The following RFX2 variants were observed in gnomAD, a reference collection of about 807,000 sequenced individuals.
RFX2 encodes the protein regulatory factor X2, also known as DNA-binding protein RFX2.
Under a neutral mutation model 87.8 loss-of-function variants are expected in RFX2, and 20 were observed. The ratio of observed to expected loss-of-function variants is 0.23; its 90% CI spans 0.16 to 0.33. The LOEUF is 0.33. Ranked by LOEUF, RFX2 falls within the 10% of genes least tolerant of loss-of-function variation. The pLI, the probability that RFX2 is intolerant of heterozygous loss-of-function variation, is 1.00. For synonymous variants in RFX2, 397 were observed against 431.3 expected (o/e 0.92, Z 0.98); for missense variants, 767 against 1,012.3 (o/e 0.76, Z 3.29).
At chr19:6,100,698 T>G (rs777528058) in intron 1 of RFX2, among the ~76,000 whole-genome samples, 1 of 152,180 alleles carries the variant, frequency 6.6e-6, no homozygotes, top group Non-Finnish European at 1.5e-5. Flanking sequence ...CCGCTGCTAC[T>G]GACTCCACCA....
intron 5 of RFX2, among the ~76,000 whole-genome samples, chr19:6,034,265 TGTTA>T (rs1276401201): frequency 6.7e-6 from 1 of 148,954 alleles, no homozygotes; most frequent in Non-Finnish European, 1.5e-5. Flanking sequence ...AGTCTCATTC[TGTTA>T]CCAGGCTGGA....
intron 13 of RFX2, among the ~76,000 whole-genome samples, chr19:6,003,880 C>G (rs570372617): frequency 6.7e-6 from 1 of 149,690 alleles, no homozygotes; most frequent in Non-Finnish European, 1.5e-5. Flanking sequence ...ATTTCAAATT[C>G]GACTGATTTG....
In RFX2 at chr19:5,994,694, G is replaced by A; in HGVS notation, c.*141C>T. 1.6e-6 allele frequency: 1 copy of A among 621,596 alleles called. No individual in the cohort carries two copies. Among genetic ancestry groups the A allele is most frequent in the South Asian group, 1.9e-5 (1 of 52,406 alleles). 38.5% of individuals were successfully genotyped at this position (621,596 alleles called of 1,614,324 possible). ...ACAACTGCTTTCCTTCTTGAACACT[G>A]ACCCCGGGAGCCCCCGCTTGAGTCA... On this transcript the variant is annotated 3_prime_UTR_variant, in exon 18 of 18. Coordinates refer to ENST00000303657, the MANE Select transcript of RFX2 (RefSeq NM_000635.4).
chr19:5,998,312 A>G lies in RFX2; in HGVS notation c.1860-1099T>C, dbSNP rs184012776. On this transcript the variant is annotated intron_variant, in intron 15 of 17. Transcript: ENST00000303657. The surrounding 1 kb of genome is among the most constrained non-coding windows in gnomAD (Gnocchi z 4.2). Reference sequence around the variant, plus strand: ...GACAGAGCAACACTCCATCTCAAAAAAAAAGAATGAAGTGGAACAATGTCT... The same window carrying G: ...GACAGAGCAACACTCCATCTCAAAAGAAAAGAATGAAGTGGAACAATGTCT... Among the ~76,000 whole-genome samples the G allele has an allele frequency of 2.3e-3, 354 of 152,298 alleles. No individual in the cohort carries two copies. Among genetic ancestry groups the G allele is most frequent in the Non-Finnish European group, 3.8e-3 (261 of 68,014 alleles).
chr19:6,002,396 T>C lies in RFX2; in HGVS notation c.1650+325A>G, dbSNP rs1433890403. Among the ~76,000 whole-genome samples, 2 of 152,240 alleles carry C rather than the reference T, an allele frequency of 1.3e-5. No individual in the cohort carries two copies. The highest frequency in any genetic ancestry group is 2.9e-5 in the Non-Finnish European group (2 of 68,032). On this transcript the variant is annotated intron_variant, in intron 14 of 17. Coordinates refer to ENST00000303657, the MANE Select transcript of RFX2 (RefSeq NM_000635.4). The surrounding 1 kb of genome is among the most constrained non-coding windows in gnomAD (Gnocchi z 6.7). The stretch of plus-strand genomic sequence containing the variant: ...CGGAAGCTGCTGTGGGCCGACACTT[T>C]GCCAAGCCCAGGGGACAGAGCCAGG...
intron 1 of RFX2, among the ~76,000 whole-genome samples, chr19:6,096,621 T>C (rs2144894838): frequency 1.3e-5 from 2 of 152,250 alleles, no homozygotes; most frequent in South Asian, 4.1e-4. Flanking sequence ...TAATTTTTTA[T>C]ATTTTTAGTA....
chr19:6,010,794 C>T lies in RFX2; in HGVS notation c.900-543G>A, dbSNP rs867154267. Reference sequence around the variant, plus strand: ...ACTTGAGAAAATAGATATATATTTTCCCCCTAACATTTCTCTCTTAGAAAA... The same window carrying T: ...ACTTGAGAAAATAGATATATATTTTTCCCCTAACATTTCTCTCTTAGAAAA... On this transcript the variant is annotated intron_variant, in intron 8 of 17. Coordinates refer to ENST00000303657, the MANE Select transcript of RFX2 (RefSeq NM_000635.4). The surrounding 1 kb of genome is among the most constrained non-coding windows in gnomAD (Gnocchi z 5.0). Among the ~76,000 whole-genome samples the T allele has an allele frequency of 6.6e-6, 1 of 152,180 alleles. No homozygotes were observed. The highest frequency in any genetic ancestry group is 1.9e-4 in the East Asian group (1 of 5,200).
At chr19:5,995,717 G>T in intron 16 of RFX2, 74 bp from the exon 17 acceptor site, 1 of 1,353,728 alleles carries the variant, frequency 7.4e-7, no homozygotes, top group Non-Finnish European at 1.0e-6. Flanking sequence ...GGGGGATGCC[G>T]GCCCAACCTT....
At chr19:6,104,394 C>T (rs2088176310) in intron 1 of RFX2, among the ~76,000 whole-genome samples, 1 of 147,384 alleles carries the variant, frequency 6.8e-6, no homozygotes, top group African/African-American at 2.6e-5. Flanking sequence ...ACGGTGAAAC[C>T]CCGTCTCTAC....
rs375437676 is a variant in RFX2 at position 5,997,247 on chromosome 19, A to G, written c.1860-34T>C. 13 of 1,589,012 alleles carry G rather than the reference A, an allele frequency of 8.2e-6. No homozygotes were observed. In the African/African-American group the frequency reaches 1.2e-4, roughly 15 times the overall value. ...AAGCGGACAGAGGCTGGGGACCCTC[A>G]GGGGAGCATGGAACCCGGGCCCCAG... On this transcript the variant is annotated intron_variant, in intron 15 of 17. Transcript: ENST00000303657. The surrounding 1 kb of genome is among the most constrained non-coding windows in gnomAD (Gnocchi z 4.2).
chr19:5,993,722 A>C lies in RFX2; in HGVS notation c.*1113T>G, dbSNP rs953681483. Reference sequence around the variant, plus strand: ...CCAACTGCAGCGGCTACGTGTTTCCATGGAGACAAACTTGGTGTCTCAAGT... The same window carrying C: ...CCAACTGCAGCGGCTACGTGTTTCCCTGGAGACAAACTTGGTGTCTCAAGT... On this transcript the variant is annotated 3_prime_UTR_variant, in exon 18 of 18. Transcript: ENST00000303657. 6.6e-6 allele frequency: 1 copy of C among 152,342 alleles called. No homozygotes were observed. The highest frequency in any genetic ancestry group is 2.1e-4 in the South Asian group (1 of 4,822). The allele number at this position is 152,342 out of a possible 1,614,324, so 9.4% of individuals were successfully genotyped here.
intron 6 of RFX2, among the ~76,000 whole-genome samples, chr19:6,025,228 A>C (rs1293626484): frequency 6.6e-6 from 1 of 152,144 alleles, no homozygotes; most frequent in Non-Finnish European, 1.5e-5. Context: ...CCCTGGAAAT[A>C]AAGACGGAGC....
rs1462726113 is a variant in RFX2 at position 6,050,031 on chromosome 19, G to A, written c.-8-2527C>T. Among the ~76,000 whole-genome samples, 5 of 152,232 alleles carry A rather than the reference G, an allele frequency of 3.3e-5. No homozygotes were observed. The highest frequency in any genetic ancestry group is 7.3e-5 in the Non-Finnish European group (5 of 68,038). On this transcript the variant is annotated intron_variant, in intron 1 of 17. Coordinates refer to ENST00000303657, the MANE Select transcript of RFX2 (RefSeq NM_000635.4). This position sits in a 1 kb window ranked among gnomAD's most constrained non-coding sequence, Gnocchi z 4.6. ...TCTGGAAGAGAGAGAGCCACAGAAG[G>A]GGTGAGCCCTCAAATCTTCCTACAA...
Position 6,054,039 on chromosome 19 carries a change from C to T in RFX2, c.-8-6535G>A, listed in dbSNP as rs1385725352. Among the ~76,000 whole-genome samples, 3 of 150,680 alleles carry T rather than the reference C, an allele frequency of 2.0e-5. No homozygotes were observed. The East Asian group carries it at 5.8e-4, about 29-fold the overall frequency. On this transcript the variant is annotated intron_variant, in intron 1 of 17. Transcript: ENST00000303657. Reference sequence around the variant, plus strand: ...GGAAAGACTGATAAGAAAAGAAAACCCAAATTGCCAATATCAGGAATGAAA... The same window carrying T: ...GGAAAGACTGATAAGAAAAGAAAACTCAAATTGCCAATATCAGGAATGAAA...
intron 1 of RFX2, among the ~76,000 whole-genome samples, chr19:6,069,217 G>A (rs1385144544): frequency 6.6e-6 from 1 of 152,162 alleles, no homozygotes; most frequent in African/African-American, 2.4e-5. Flanking sequence ...TCAGTGTATA[G>A]AGAATGCAGG....
rs192375512 is a variant in RFX2 at position 6,004,124 on chromosome 19, C to T, written c.1500+77G>A. 4.5e-4 allele frequency: 493 copies of T among 1,093,472 alleles called. No homozygotes were observed. The highest frequency in any genetic ancestry group is 5.8e-4 in the Non-Finnish European group (409 of 706,878). The allele number at this position is 1,093,472 out of a possible 1,614,324, so 67.7% of individuals were successfully genotyped here. On this transcript the variant is annotated intron_variant, in intron 13 of 17. Coordinates refer to ENST00000303657, the MANE Select transcript of RFX2 (RefSeq NM_000635.4). This position sits in a 1 kb window ranked among gnomAD's most constrained non-coding sequence, Gnocchi z 4.8. ...GAAGAAGCCAGCGCTCTCTGGGACACAGTGGTCCTCATGCTGTCCTGGACT... is the reference window on the plus strand; with the variant it reads ...GAAGAAGCCAGCGCTCTCTGGGACATAGTGGTCCTCATGCTGTCCTGGACT...
At chr19:5,996,170 C>G (rs1275592674) in intron 16 of RFX2, among the ~76,000 whole-genome samples, 2 of 138,644 alleles carry the variant, frequency 1.4e-5, no homozygotes, top group Non-Finnish European at 3.3e-5. Flanking sequence ...AGCATCATCT[C>G]GTTTCTTCCT....
At position 6,007,643 on chromosome 19, in the gene RFX2, G is replaced by A; in HGVS notation, c.1247+47C>T. On this transcript the variant is annotated intron_variant, in intron 11 of 17. Coordinates refer to ENST00000303657, the MANE Select transcript of RFX2 (RefSeq NM_000635.4). The surrounding 1 kb of genome is among the most constrained non-coding windows in gnomAD (Gnocchi z 8.2). Reference sequence around the variant, plus strand: ...GGGTTACCTGTGGACGTCAGCAGGGGGTTAAGTCTGGGGTGGCTGTGAACC... The same window carrying A: ...GGGTTACCTGTGGACGTCAGCAGGGAGTTAAGTCTGGGGTGGCTGTGAACC... 1.7e-6 allele frequency: 2 copies of A among 1,145,758 alleles called. No individual in the cohort carries two copies. Among genetic ancestry groups the A allele is most frequent in the Non-Finnish European group, 2.6e-6 (2 of 777,248 alleles). The allele number at this position is 1,145,758 out of a possible 1,614,324, so 71.0% of individuals were successfully genotyped here. A position where few individuals can be genotyped will look rare whatever the true frequency, so the allele number is the denominator to read the frequency against.
At position 6,096,620 on chromosome 19, in the gene RFX2, A is replaced by G. The variant is rs559516556; in HGVS notation, c.-9+13773T>C. Among the ~76,000 whole-genome samples, 280 of 152,030 alleles carry G rather than the reference A, an allele frequency of 1.8e-3. 1 individual carries two copies. Among genetic ancestry groups the G allele is most frequent in the African/African-American group, 6.0e-3 (248 of 41,456 alleles). On this transcript the variant is annotated intron_variant, in intron 1 of 17. Transcript: ENST00000303657. The stretch of plus-strand genomic sequence containing the variant: ...CACCACCATGCCCGACTAATTTTTT[A>G]TATTTTTAGTAGAGACGGGGTTTCA...
Sources: allele counts gnomAD v4.1 joint callset (sites outside exome capture counted in the v4.1 genomes callset), GRCh38; gene constraint gnomAD v4.1.1; non-coding constraint Gnocchi (gnomAD v3.1); transcripts MANE v1.5; gene names NCBI Gene and HGNC (gene_info 2026-07-23, HGNC 2026-07-21).